The following TAB1 variants were observed in gnomAD, a reference collection of about 807,000 sequenced individuals.
The protein encoded by TAB1 is TGF-beta-activated kinase 1 and MAP3K7-binding protein 1.
In TAB1, 30 loss-of-function variants were observed where a neutral mutation model predicts 54.5. That is an observed-to-expected ratio of 0.55 (90% CI 0.41 to 0.75). TAB1 has a LOEUF of 0.75. Among genes scored for constraint, TAB1 ranks in the 30% least tolerant of loss-of-function variants. The pLI is 0.00. For missense variants in TAB1, 609 were observed against 683.2 expected (o/e 0.89, Z 1.21); for synonymous variants, 289 against 286.9 (o/e 1.01, Z -0.07).
chr22:39,427,688 G>A (rs1927411293), intron 9 of TAB1, among the ~76,000 whole-genome samples: 1 of 152,166 alleles, frequency 6.6e-6, no homozygotes, highest in South Asian at 2.1e-4. Flanking sequence ...TTTTTATTGG[G>A]TCAGCCTCAA....
intron 1 of TAB1, chr22:39,414,597 G>A: frequency 5.3e-6 from 1 of 188,620 alleles, no homozygotes; most frequent in South Asian, 8.2e-5. Flanking sequence ...GGGGCCTGCA[G>A]CCTGCAGTGT....
At chr22:39,435,273 A>G (rs5750825), downstream of TAB1, among the ~76,000 whole-genome samples, 106,982 of 152,042 alleles carry the variant, frequency 0.7, 38,278 homozygotes, top group East Asian at 0.95. Context: ...GAAATTACTC[A>G]TCAAATAAAT....
rs569345892 is a variant in TAB1 at position 39,423,194 on chromosome 22, C to T, written c.921+1223C>T. 4.4e-3 allele frequency among the ~76,000 whole-genome samples: 677 copies of T among 152,166 alleles called. 7 individuals carry two copies. Among genetic ancestry groups the T allele is most frequent in the African/African-American group, 0.016 (649 of 41,536 alleles). On this transcript the variant is annotated intron_variant, in intron 8 of 10. Transcript: ENST00000216160. ...TGGTAGAGACAGGGTCTCACTGTAT[C>T]GCCCAGGTTAATCTCAAACTCCTGG...
Position 39,431,730 on chromosome 22 carries a change from G to C in TAB1, c.*1508G>C. On this transcript the variant is annotated 3_prime_UTR_variant, in exon 11 of 11. Transcript: ENST00000216160. ...TTGAAGCCATCTCTGTTCTGCAGGT[G>C]AGAGGATTTAAAGTCAGTCACAAAG... 1 of 985,494 alleles carries C rather than the reference G, an allele frequency of 1.0e-6. No homozygotes were observed. The highest frequency in any genetic ancestry group is 4.7e-5 in the South Asian group (1 of 21,288). 61.0% of individuals were successfully genotyped at this position (985,494 alleles called of 1,614,324 possible). A position where few individuals can be genotyped will look rare whatever the true frequency, so the allele number is the denominator to read the frequency against.
chr22:39,421,683 C>T (rs914622624), intron 7 of TAB1, 144 bp from the exon 8 acceptor site: 3 of 892,718 alleles, frequency 3.4e-6, no homozygotes, highest in South Asian at 3.5e-5. Context: ...TTTTTCTGAC[C>T]TTCTCTTTCT....
At chr22:39,417,376 C>G (rs1349983828) in intron 4 of TAB1, among the ~76,000 whole-genome samples, 1 of 152,208 alleles carries the variant, frequency 6.6e-6, no homozygotes, top group Admixed American at 6.5e-5. Flanking sequence ...ATCCCAGCAC[C>G]TTGGGAGGCC....
In TAB1 at chr22:39,430,302, C is replaced by T. The variant is rs1486099454; in HGVS notation, c.*80C>T. The T allele has an allele frequency of 1.3e-6, 2 of 1,579,210 alleles. No individual in the cohort carries two copies. Among genetic ancestry groups the T allele is most frequent in the African/African-American group, 2.7e-5 (2 of 74,522 alleles). On this transcript the variant is annotated 3_prime_UTR_variant, in exon 11 of 11. Transcript: ENST00000216160. ...AGCCTTTTCCTAACATCTGCCTGTG[C>T]CACAACGGCCAGCAGGTGCCCCATC...
chr22:39,436,613 T>A, downstream of TAB1: 2 of 1,499,822 alleles, frequency 1.3e-6, no homozygotes, highest in South Asian at 1.1e-5. Flanking sequence ...GGAGCTGAGA[T>A]CATCCTGGGG....
chr22:39,411,854 A>G (rs1178346580), intron 1 of TAB1, among the ~76,000 whole-genome samples: 1 of 152,230 alleles, frequency 6.6e-6, no homozygotes, highest in Non-Finnish European at 1.5e-5. Flanking sequence ...ATGGATAAAC[A>G]AACTTTACTA....
At chr22:39,416,189 G>C (rs1926826134) in intron 3 of TAB1, among the ~76,000 whole-genome samples, 2 of 152,280 alleles carry the variant, frequency 1.3e-5, no homozygotes, top group Non-Finnish European at 1.5e-5. Context: ...TTCCCGGAGA[G>C]GGGTGGTGCC....
chr22:39,411,678 A>G (rs1298147380), intron 1 of TAB1, among the ~76,000 whole-genome samples: 1 of 152,236 alleles, frequency 6.6e-6, no homozygotes, highest in African/African-American at 2.4e-5. Flanking sequence ...AGGTTCTTAT[A>G]AAGTTAAACA....
At chr22:39,433,210 C>G, downstream of TAB1, 1 of 982,508 alleles carries the variant, frequency 1.0e-6, no homozygotes, top group African/African-American at 1.7e-5. Flanking sequence ...CCAGCACTTT[C>G]AGAGGCCAAG....
intron 7 of TAB1, among the ~76,000 whole-genome samples, chr22:39,419,905 G>C (rs1601693860): frequency 6.6e-6 from 1 of 152,232 alleles, no homozygotes; most frequent in African/African-American, 2.4e-5. Flanking sequence ...CAGAGAGGTT[G>C]GTTTGGGGCA....
At chr22:39,399,912 T>C (rs989677559) in intron 1 of TAB1, 77 bp downstream of exon 1, 7 of 1,486,306 alleles carry the variant, frequency 4.7e-6, no homozygotes, top group Non-Finnish European at 6.4e-6. Flanking sequence ...GAACGGCTCC[T>C]TCTCCGAGTT....
At chr22:39,412,076 C>T (rs1272354304) in intron 1 of TAB1, among the ~76,000 whole-genome samples, 2 of 152,150 alleles carry the variant, frequency 1.3e-5, no homozygotes, top group Non-Finnish European at 2.9e-5. Context: ...CTCACTCCGT[C>T]GCCCAGGCTG....
Position 39,415,487 on chromosome 22 carries a change from C to T in TAB1, c.171-13C>T, listed in dbSNP as rs1034397427. On this transcript the variant is annotated splice_polypyrimidine_tract_variant and intron_variant, in intron 2 of 10. Transcript: ENST00000216160. This position sits in a 1 kb window ranked among gnomAD's most constrained non-coding sequence, Gnocchi z 4.9. Reference sequence around the variant, plus strand: ...CTGGTCTCAGGCCTCCCTCTGCCCTCTCCCTCTTCCAGGAGTGAGAACAAC... The same window carrying T: ...CTGGTCTCAGGCCTCCCTCTGCCCTTTCCCTCTTCCAGGAGTGAGAACAAC... 6.2e-7 allele frequency: 1 copy of T among 1,611,074 alleles called. No individual in the cohort carries two copies. The highest frequency in any genetic ancestry group is 1.3e-5 in the African/African-American group (1 of 74,890).
At chr22:39,436,699 GC>G, downstream of TAB1, 2 of 718,112 alleles carry the variant, frequency 2.8e-6, no homozygotes, top group South Asian at 3.3e-5. Flanking sequence ...CCGGGACTGG[GC>G]AGACCCCCTC....
Position 39,430,275 on chromosome 22 carries a change from C to A in TAB1, c.*53C>A. 2 of 1,595,354 alleles carry A rather than the reference C, an allele frequency of 1.3e-6. No individual in the cohort carries two copies. The highest frequency in any genetic ancestry group is 2.2e-5 in the South Asian group (2 of 90,776). On this transcript the variant is annotated 3_prime_UTR_variant, in exon 11 of 11. Coordinates refer to ENST00000216160, the MANE Select transcript of TAB1 (RefSeq NM_006116.3). ...GGCCTGGCATGGGGCAGGACAGGGT[C>A]CAGCCTTTTCCTAACATCTGCCTGT...
chr22:39,419,388 C>A, intron 6 of TAB1, 131 bp from the exon 7 acceptor site: 1 of 675,770 alleles, frequency 1.5e-6, no homozygotes, highest in Non-Finnish European at 2.4e-6. Flanking sequence ...CTCCCAGGTG[C>A]CCTGGTGTTG....
Sources: allele counts gnomAD v4.1 joint callset (sites outside exome capture counted in the v4.1 genomes callset), GRCh38; gene constraint gnomAD v4.1.1; non-coding constraint Gnocchi (gnomAD v3.1); transcripts MANE v1.5; gene names NCBI Gene and HGNC (gene_info 2026-07-23, HGNC 2026-07-21).